Variants in RNF125 observed in about 807,000 individuals in gnomAD.
RNF125 encodes E3 ubiquitin-protein ligase RNF125.
RNF125 carries 21 observed loss-of-function variants against 26.0 expected under a neutral mutation model. That is an observed-to-expected ratio of 0.81 (90% CI 0.57 to 1.16). RNF125 has a LOEUF of 1.16. Ranked by LOEUF, RNF125 falls within the 50% of genes most tolerant of loss-of-function variation. The pLI is 0.00. For missense variants in RNF125, 270 were observed against 299.4 expected, an observed-to-expected ratio of 0.90 and a Z score of 0.72; for synonymous variants, 95 against 109.2, an observed-to-expected ratio of 0.87 and a Z score of 0.81.
At chr18:32,038,033 G>T (rs1381003559) in intron 2 of RNF125, among the ~76,000 whole-genome samples, 2 of 150,188 alleles carry the variant, frequency 1.3e-5, no homozygotes, top group Admixed American at 6.7e-5. Flanking sequence ...TCACTCTTTG[G>T]GTCCGTGCCA....
At chr18:32,036,169 AAG>A (rs2039151994) in intron 1 of RNF125, among the ~76,000 whole-genome samples, 3 of 151,542 alleles carry the variant, frequency 2.0e-5, no homozygotes, top group African/African-American at 7.3e-5. Context: ...AAAAAAAAAA[AAG>A]AGAAGGAAAC....
chr18:32,067,769 G>T lies in RNF125; in HGVS notation c.613-529G>T, dbSNP rs551512623. ...GATTTCACCTTTTGTTATTGCGGAA[G>T]AGGAGAGGGATTGCAGAGGATAGGG... On this transcript the variant is annotated intron_variant, in intron 5 of 5. Transcript: ENST00000217740. 5.9e-5 allele frequency among the ~76,000 whole-genome samples: 9 copies of T among 152,342 alleles called. No homozygotes were observed. In the South Asian group the frequency reaches 1.9e-3, roughly 32 times the overall value.
At chr18:32,035,367 GA>G (rs377352712) in intron 1 of RNF125, among the ~76,000 whole-genome samples, 1 of 151,568 alleles carries the variant, frequency 6.6e-6, no homozygotes, top group African/African-American at 2.4e-5. Context: ...AACATAATAA[GA>G]AAAAAATAAA....
intron 4 of RNF125, among the ~76,000 whole-genome samples, chr18:32,055,299 TAAAAA>T (rs201480477): frequency 7.0e-6 from 1 of 141,968 alleles, no homozygotes; most frequent in Non-Finnish European, 1.5e-5. Context: ...ACCATGTCTC[TAAAAA>T]AAAAAAAAAA....
At chr18:32,064,713 G>A (rs376286971) in intron 4 of RNF125, among the ~76,000 whole-genome samples, 2 of 152,056 alleles carry the variant, frequency 1.3e-5, no homozygotes, top group African/African-American at 4.8e-5. Context: ...AGTAGAGACA[G>A]GGTTTCACCA....
chr18:32,081,425 C>G, the RNF125 span, among the ~76,000 whole-genome samples: 1 of 152,116 alleles, frequency 6.6e-6, no homozygotes, highest in South Asian at 2.1e-4. Flanking sequence ...ATAGAGACAA[C>G]AACTTTACTC....
At chr18:32,056,660 A>T (rs1392401612) in intron 4 of RNF125, among the ~76,000 whole-genome samples, 1 of 151,460 alleles carries the variant, frequency 6.6e-6, no homozygotes, top group South Asian at 2.1e-4. Context: ...AGAAAAAAAG[A>T]TAATAACATT....
At chr18:32,032,184 C>G (rs906536619) in intron 1 of RNF125, among the ~76,000 whole-genome samples, 3 of 152,198 alleles carry the variant, frequency 2.0e-5, no homozygotes, top group Non-Finnish European at 2.9e-5. Context: ...TCAAGTGATT[C>G]TCCCACCTCA....
chr18:32,089,800 T>C, the RNF125 span, among the ~76,000 whole-genome samples: 1 of 152,164 alleles, frequency 6.6e-6, no homozygotes, highest in Non-Finnish European at 1.5e-5. Context: ...AAGCTGCCGT[T>C]GCAGAGAAAG....
rs2039540251 is a variant in RNF125 at position 32,072,230 on chromosome 18, AAAT to A, written c.*3849_*3851del. The A allele has an allele frequency of 6.6e-6, 1 of 152,158 alleles. No individual in the cohort carries two copies. The highest frequency in any genetic ancestry group is 1.5e-5 in the Non-Finnish European group (1 of 68,038). The allele number at this position is 152,158 out of a possible 1,614,324, so 9.4% of individuals were successfully genotyped here. The stretch of plus-strand genomic sequence containing the variant: ...AACATAAATAATTAAATATAAATAA[AAAT>A]AAAGCAAAATCTGTTGGGAAACGAG... On this transcript the variant is annotated 3_prime_UTR_variant, in exon 6 of 6. Coordinates refer to ENST00000217740, the MANE Select transcript of RNF125 (RefSeq NM_017831.4).
At chr18:32,053,755 TA>T (rs1231766234) in intron 4 of RNF125, among the ~76,000 whole-genome samples, 2 of 149,364 alleles carry the variant, frequency 1.3e-5, no homozygotes, top group Non-Finnish European at 2.9e-5. Context: ...GTGATGGGAG[TA>T]AAACCCTGTC....
chr18:32,056,621 CA>C (rs58384246), intron 4 of RNF125, among the ~76,000 whole-genome samples: 973 of 95,246 alleles, frequency 0.01, 3 homozygotes, highest in African/African-American at 0.026. Context: ...AACTCCGTCT[CA>C]AAAAAAAAAA....
chr18:32,076,993 C>T (rs627346), downstream of RNF125, among the ~76,000 whole-genome samples: 75,265 of 151,916 alleles, frequency 0.5, 20,590 homozygotes, highest in Admixed American at 0.63. Context: ...GAGAAGTTAT[C>T]TTATACATTT....
chr18:32,039,777 C>G (rs1245338425), intron 2 of RNF125, among the ~76,000 whole-genome samples: 1 of 123,416 alleles, frequency 8.1e-6, no homozygotes, highest in Non-Finnish European at 1.6e-5. Flanking sequence ...CTTTGAGATA[C>G]TTTTTTTTTT....
chr18:32,019,790 T>C (rs1039067370), intron 1 of RNF125, among the ~76,000 whole-genome samples: 2 of 152,318 alleles, frequency 1.3e-5, no homozygotes, highest in Non-Finnish European at 1.5e-5. Context: ...CTACCTGCTT[T>C]ACGCACGGTC....
chr18:32,025,761 T>C (rs1482356581), intron 1 of RNF125, among the ~76,000 whole-genome samples: 2 of 150,984 alleles, frequency 1.3e-5, no homozygotes, highest in African/African-American at 4.9e-5. Flanking sequence ...TGTGTGTTCC[T>C]CAAGGGGTCT....
chr18:32,022,721 C>T (rs1034779431), intron 1 of RNF125, among the ~76,000 whole-genome samples: 1 of 152,152 alleles, frequency 6.6e-6, no homozygotes, highest in Admixed American at 6.6e-5. Flanking sequence ...CTCTGTCAGA[C>T]CTTCGTAGGT....
chr18:32,064,963 G>A (rs575045024), intron 4 of RNF125, among the ~76,000 whole-genome samples: 1 of 152,230 alleles, frequency 6.6e-6, no homozygotes, highest in African/African-American at 2.4e-5. Flanking sequence ...ATTCCAAGAG[G>A]TAGGCAAACT....
At chr18:32,078,564 C>T in the RNF125 span, among the ~76,000 whole-genome samples, 1 of 151,770 alleles carries the variant, frequency 6.6e-6, no homozygotes, top group Non-Finnish European at 1.5e-5. Context: ...TGTATAAGCC[C>T]AGGAGTTCAA....
Sources: gnomAD v4.1 joint callset for allele counts (sites outside exome capture counted in the v4.1 genomes callset) on GRCh38, gnomAD v4.1.1 for gene constraint, MANE v1.5 for transcripts, NCBI Gene and HGNC (gene_info 2026-07-23, HGNC 2026-07-21) for gene names.